Variants in EHBP1 observed in about 807,000 individuals in gnomAD.
EHBP1 encodes EH domain-binding protein 1.
A neutral mutation model predicts 144.0 loss-of-function variants in EHBP1; 55 were observed. The observed-to-expected ratio is 0.38, with a 90% CI of 0.31 to 0.48. The LOEUF (loss-of-function observed/expected upper bound fraction) is 0.48, where lower values mean the gene tolerates loss of function less well. Among genes scored for constraint, EHBP1 ranks in the 20% least tolerant of loss-of-function variants. EHBP1 has a pLI of 0.98. For synonymous variants in EHBP1, 469 were observed against 472.7 expected (o/e 0.99, Z 0.10); for missense variants, 1,200 against 1,364.2 (o/e 0.88, Z 1.90).
intron 5 of EHBP1, among the ~76,000 whole-genome samples, chr2:62,804,822 C>T (rs1311208483): frequency 6.6e-6 from 1 of 152,196 alleles, no homozygotes; most frequent in Non-Finnish European, 1.5e-5. Flanking sequence ...TCAGTGGTGG[C>T]ATTAGATTCT....
intron 13 of EHBP1, among the ~76,000 whole-genome samples, chr2:62,952,453 C>T (rs1558971657): frequency 6.6e-6 from 1 of 152,066 alleles, no homozygotes; most frequent in Non-Finnish European, 1.5e-5. Context: ...CTTAGTAGTT[C>T]ATAAAATAAT....
chr2:62,805,465 TTTC>T lies in EHBP1; in HGVS notation c.313-20619_313-20617del, dbSNP rs1405463956. 6.9e-4 allele frequency among the ~76,000 whole-genome samples: 102 copies of T among 148,434 alleles called. 1 individual carries two copies. The highest frequency in any genetic ancestry group is 2.3e-3 in the African/African-American group (91 of 40,344). On this transcript the variant is annotated intron_variant, in intron 5 of 22. Coordinates refer to ENST00000431489, the MANE Select transcript of EHBP1 (RefSeq NM_001142616.3). ...AGTCTTGTTCTTTATGTCTTTGTAT[TTTC>T]TTTTTTTTTTTTTTTTTACAGTGAA...
intron 19 of EHBP1, among the ~76,000 whole-genome samples, chr2:63,012,707 G>A (rs2060319369): frequency 6.6e-6 from 1 of 152,156 alleles, no homozygotes; most frequent in South Asian, 2.1e-4. Context: ...AAAACAGCTT[G>A]TGAAATATAA....
At chr2:62,707,338 A>T in intron 2 of EHBP1, 43 bp downstream of exon 2, 6 of 1,450,298 alleles carry the variant, frequency 4.1e-6, no homozygotes, top group Non-Finnish European at 4.8e-6. Context: ...CTGTGGCCTA[A>T]GCATACTGTG....
At position 63,022,353 on chromosome 2, in the gene EHBP1, C is replaced by T. The variant is rs533192787; in HGVS notation, c.3104-15182C>T. 1.4e-4 allele frequency among the ~76,000 whole-genome samples: 22 copies of T among 152,072 alleles called. No homozygotes were observed. The East Asian group carries it at 1.6e-3, about 11-fold the overall frequency. The stretch of plus-strand genomic sequence containing the variant: ...TCTTTTTGACAGAATCTCACTCTGT[C>T]GCACAGGCTGGAGTGCAATGGCGCA... On this transcript the variant is annotated intron_variant, in intron 19 of 22. Coordinates refer to ENST00000431489, the MANE Select transcript of EHBP1 (RefSeq NM_001142616.3).
chr2:62,816,063 G>A (rs1398127341), intron 5 of EHBP1, among the ~76,000 whole-genome samples: 1 of 152,062 alleles, frequency 6.6e-6, no homozygotes, highest in Non-Finnish European at 1.5e-5. Flanking sequence ...AATCAAATAC[G>A]AAGACTTGAA....
intron 10 of EHBP1, among the ~76,000 whole-genome samples, chr2:62,894,882 C>T (rs187350440): frequency 1.3e-5 from 2 of 148,994 alleles, no homozygotes; most frequent in Admixed American, 6.7e-5. Flanking sequence ...TGCCCCACTG[C>T]ACTGTAGTCT....
At chr2:62,676,670 G>A (rs1012925937) in intron 1 of EHBP1, among the ~76,000 whole-genome samples, 12 of 152,064 alleles carry the variant, frequency 7.9e-5, no homozygotes, top group Non-Finnish European at 1.5e-4. Context: ...AAAAGACCAA[G>A]CCATTGTTTT....
At chr2:62,843,363 A>G (rs1424196075) in intron 7 of EHBP1, among the ~76,000 whole-genome samples, 1 of 151,566 alleles carries the variant, frequency 6.6e-6, no homozygotes, top group East Asian at 1.9e-4. Flanking sequence ...TGGAAGGAAT[A>G]TGTTCTGGAG....
At chr2:62,912,630 A>G (rs922522320) in intron 10 of EHBP1, among the ~76,000 whole-genome samples, 22 of 152,234 alleles carry the variant, frequency 1.4e-4, no homozygotes, top group African/African-American at 5.3e-4. Context: ...TACAACAAGT[A>G]TAGTTGAATC....
chr2:62,776,020 A>T (rs1024457676), intron 5 of EHBP1, among the ~76,000 whole-genome samples: 1 of 152,208 alleles, frequency 6.6e-6, no homozygotes, highest in Non-Finnish European at 1.5e-5. Flanking sequence ...AGATTAGTGA[A>T]GGTAGTCTTT....
chr2:62,942,879 C>G lies in EHBP1; in HGVS notation c.1347C>G (p.His449Gln). The G allele has an allele frequency of 6.2e-7, 1 of 1,603,674 alleles. No homozygotes were observed. Among genetic ancestry groups the G allele is most frequent in the Middle Eastern group, 1.7e-4 (1 of 6,004 alleles). Residue 449 changes from histidine to glutamine, a missense_variant, in exon 11 of 23, where the codon CAC becomes CAG. Coordinates refer to ENST00000431489, the MANE Select transcript of EHBP1 (RefSeq NM_001142616.3). ...NGLSFCAILH[H>Q]FRPDLIDYKS... The stretch of plus-strand genomic sequence containing the variant: ...TATCTTTTTGTGCAATATTACACCA[C>G]TTTAGACCAGATTTAATGTAAGTAG...
In EHBP1 at chr2:63,003,301, G is replaced by A. The variant is rs567261413; in HGVS notation, c.3103+6535G>A. Among the ~76,000 whole-genome samples, 3 of 152,034 alleles carry A rather than the reference G, an allele frequency of 2.0e-5. No individual in the cohort carries two copies. The South Asian group carries it at 6.2e-4, about 31-fold the overall frequency. On this transcript the variant is annotated intron_variant, in intron 19 of 22. Transcript: ENST00000431489. ...AATAAATATAGACAAGCGCATATGA[G>A]AAAGCTTGTGTAATGTTTTAGATTA... is the stretch of plus-strand genomic sequence containing the variant.
At chr2:62,758,810 A>G (rs1331651647) in intron 3 of EHBP1, among the ~76,000 whole-genome samples, 12 of 152,124 alleles carry the variant, frequency 7.9e-5, no homozygotes, top group Admixed American at 7.9e-4. Context: ...CAAGAAGGAG[A>G]GTACAGCTAG....
intron 9 of EHBP1, among the ~76,000 whole-genome samples, chr2:62,872,722 A>C (rs2050585869): frequency 6.6e-6 from 1 of 152,156 alleles, no homozygotes; most frequent in South Asian, 2.1e-4. Flanking sequence ...CCACAAAAAG[A>C]AACCTCATAC....
intron 10 of EHBP1, among the ~76,000 whole-genome samples, chr2:62,888,499 C>T (rs2052136018): frequency 6.6e-6 from 1 of 152,136 alleles, no homozygotes; most frequent in South Asian, 2.1e-4. Context: ...AATTAAAGTG[C>T]CTGTCACAGT....
At chr2:62,747,628 G>A (rs981957728) in intron 3 of EHBP1, among the ~76,000 whole-genome samples, 176 bp downstream of exon 3, 1 of 151,752 alleles carries the variant, frequency 6.6e-6, no homozygotes, top group African/African-American at 2.4e-5. Context: ...TTCTCAAAAC[G>A]GGAGCCAGAT....
chr2:63,020,761 A>G (rs2060707845), intron 19 of EHBP1, among the ~76,000 whole-genome samples: 1 of 150,822 alleles, frequency 6.6e-6, no homozygotes. Context: ...TCACTGCAAC[A>G]TTTGCCTCCC....
chr2:62,772,172 AG>A (rs1398582268), intron 5 of EHBP1: 1 of 133,176 alleles, frequency 7.5e-6, no homozygotes, highest in Non-Finnish European at 1.6e-5. Context: ...AAAGGGAGGA[AG>A]GGGGAAAGGA....
Sources: gnomAD v4.1 joint callset for allele counts (sites outside exome capture counted in the v4.1 genomes callset) on GRCh38, gnomAD v4.1.1 for gene constraint, MANE v1.5 for transcripts, NCBI Gene and HGNC (gene_info 2026-07-23, HGNC 2026-07-21) for gene names.